The following ANKRD12 variants were observed in gnomAD, a reference collection of about 807,000 sequenced individuals.
ANKRD12 encodes the protein ankyrin repeat domain-containing protein 12.
A neutral mutation model predicts 183.4 loss-of-function variants in ANKRD12; 85 were observed. That is an observed-to-expected ratio of 0.46 (90% CI 0.39 to 0.56). ANKRD12 has a LOEUF of 0.56. Ranked by LOEUF, ANKRD12 falls within the 20% of genes least tolerant of loss-of-function variation. ANKRD12 has a pLI of 0.00. For synonymous variants in ANKRD12, 914 were observed against 800.2 expected, an observed-to-expected ratio of 1.14 and a Z score of -2.40; for missense variants, 2,405 against 2,357.1, an observed-to-expected ratio of 1.02 and a Z score of -0.42.
rs201451415 is a variant in ANKRD12, at chr18:9,226,830, AAAAT to A, written c.943+4835_943+4838del. Among the ~76,000 whole-genome samples, 108 of 152,338 alleles carry A rather than the reference AAAAT, an allele frequency of 7.1e-4. No homozygotes were observed. In the East Asian group the frequency reaches 0.02, roughly 28 times the overall value. ...TCATGAGAAATGCTCTTTTTTAAAA[AAAAT>A]AAAGCCAGTTTTGTGTCATGAAAGA... is the stretch of plus-strand genomic sequence containing the variant. On this transcript the variant is annotated intron_variant, in intron 8 of 12. Coordinates refer to ENST00000262126, the MANE Select transcript of ANKRD12 (RefSeq NM_015208.5).
At chr18:9,260,027 A>G (rs1349886822) in intron 9 of ANKRD12, 1 of 152,210 alleles carries the variant, frequency 6.6e-6, no homozygotes, top group Non-Finnish European at 1.5e-5. Context: ...CTTTGTACAT[A>G]AAATGCTGTG....
intron 4 of ANKRD12, 131 bp downstream of exon 4, chr18:9,204,675 G>T: frequency 1.5e-6 from 1 of 658,184 alleles, no homozygotes; most frequent in Non-Finnish European, 2.4e-6. Flanking sequence ...GAACTACGTG[G>T]GTGACACCAC....
intron 10 of ANKRD12, among the ~76,000 whole-genome samples, chr18:9,270,528 C>T (rs1226615185): frequency 6.6e-6 from 1 of 152,138 alleles, no homozygotes; most frequent in Non-Finnish European, 1.5e-5. Context: ...AAAAACCAAA[C>T]AGTGCATGTT....
intron 8 of ANKRD12, among the ~76,000 whole-genome samples, chr18:9,248,435 C>T (rs2038092001): frequency 6.6e-6 from 1 of 152,140 alleles, no homozygotes; most frequent in Admixed American, 6.5e-5. Context: ...GACTCTGTGT[C>T]TCAATCTAAG....
intron 5 of ANKRD12, among the ~76,000 whole-genome samples, chr18:9,211,271 A>G (rs4798786): frequency 0.68 from 102,733 of 152,008 alleles, 35,366 homozygotes; most frequent in Middle Eastern, 0.81. Flanking sequence ...CCTAGGAAAA[A>G]TGTTTCATAG....
chr18:9,275,754 T>A (rs188627879), intron 11 of ANKRD12, 87 bp downstream of exon 11: 512 of 1,301,472 alleles, frequency 3.9e-4, no homozygotes, highest in African/African-American at 2.4e-3. Flanking sequence ...TAGAAAGAAC[T>A]TGAACTCAAC....
At chr18:9,153,419 T>C (rs2029896490) in intron 1 of ANKRD12, among the ~76,000 whole-genome samples, 1 of 152,218 alleles carries the variant, frequency 6.6e-6, no homozygotes, top group African/African-American at 2.4e-5. Flanking sequence ...CTAGAACATT[T>C]TGAAATCCTT....
At chr18:9,178,842 A>G (rs935476908) in intron 1 of ANKRD12, among the ~76,000 whole-genome samples, 2 of 151,994 alleles carry the variant, frequency 1.3e-5, no homozygotes, top group Non-Finnish European at 2.9e-5. Context: ...GTGTTTTTGT[A>G]TTTGTCATTG....
chr18:9,184,470 G>C (rs549196629), intron 2 of ANKRD12, among the ~76,000 whole-genome samples: 2 of 151,900 alleles, frequency 1.3e-5, no homozygotes, highest in South Asian at 2.1e-4. Context: ...TCAGCTCACT[G>C]CAGCCTTGAC....
chr18:9,175,457 G>A (rs546238398), intron 1 of ANKRD12, among the ~76,000 whole-genome samples: 3 of 143,476 alleles, frequency 2.1e-5, no homozygotes, highest in South Asian at 2.2e-4. Flanking sequence ...GTAGTTTTTC[G>A]TCCACAGAAA....
intron 11 of ANKRD12, among the ~76,000 whole-genome samples, chr18:9,277,451 C>T (rs940045837): frequency 6.6e-6 from 1 of 151,462 alleles, no homozygotes; most frequent in Non-Finnish European, 1.5e-5. Flanking sequence ...CCTCAGCCTC[C>T]CGAGTAGCTG....
At chr18:9,167,827 C>T (rs1297598943) in intron 1 of ANKRD12, among the ~76,000 whole-genome samples, 4 of 152,154 alleles carry the variant, frequency 2.6e-5, no homozygotes, top group South Asian at 4.1e-4. Flanking sequence ...CAGTTTTTGC[C>T]CATTCAGTAT....
chr18:9,202,763 T>A (rs1007861695), intron 3 of ANKRD12, among the ~76,000 whole-genome samples: 1 of 152,164 alleles, frequency 6.6e-6, no homozygotes, highest in Non-Finnish European at 1.5e-5. Flanking sequence ...AGGAAGTAGT[T>A]GAGGAAGGGG....
At position 9,283,085 on chromosome 18, in the gene ANKRD12, T is replaced by C. The variant is rs1331361390; in HGVS notation, c.*1959T>C. The C allele has an allele frequency of 2.0e-5, 3 of 152,594 alleles. No homozygotes were observed. Among genetic ancestry groups the C allele is most frequent in the African/African-American group, 7.2e-5 (3 of 41,468 alleles). 9.5% of individuals were successfully genotyped at this position (152,594 alleles called of 1,614,324 possible). A position where few individuals can be genotyped will look rare whatever the true frequency, so the allele number is the denominator to read the frequency against. ...TAATATGAAAACTTACTGCAAAGTT[T>C]GTTTATACTTTTGCCTAAAAAGGAA... On this transcript the variant is annotated 3_prime_UTR_variant, in exon 13 of 13. Transcript: ENST00000262126.
rs2040170395 is a variant in ANKRD12 at position 9,283,668 on chromosome 18, A to G, written c.*2542A>G. On this transcript the variant is annotated 3_prime_UTR_variant, in exon 13 of 13. Coordinates refer to ENST00000262126, the MANE Select transcript of ANKRD12 (RefSeq NM_015208.5). ...ACAAGATACTAAATTGTACCTAAGG[A>G]TTTGTATTTCTTTACAATTTGTTCT... is the stretch of plus-strand genomic sequence containing the variant. 1 of 152,608 alleles carries G rather than the reference A, an allele frequency of 6.6e-6. No individual in the cohort carries two copies. The highest frequency in any genetic ancestry group is 2.4e-5 in the African/African-American group (1 of 41,452). 9.5% of individuals were successfully genotyped at this position (152,608 alleles called of 1,614,324 possible).
chr18:9,216,680 CA>C, intron 6 of ANKRD12, 77 bp from the exon 7 acceptor site: 1 of 1,399,580 alleles, frequency 7.1e-7, no homozygotes, highest in South Asian at 1.4e-5. Flanking sequence ...TTATATGTCA[CA>C]CATTGGTATG....
chr18:9,202,327 A>G (rs1045123109), intron 3 of ANKRD12, among the ~76,000 whole-genome samples: 1 of 152,190 alleles, frequency 6.6e-6, no homozygotes, highest in Non-Finnish European at 1.5e-5. Flanking sequence ...ACTCAGTCAA[A>G]TTTGAGGAGA....
At chr18:9,208,279 T>C (rs1458098793) in intron 4 of ANKRD12, among the ~76,000 whole-genome samples, 1 of 152,170 alleles carries the variant, frequency 6.6e-6, no homozygotes, top group African/African-American at 2.4e-5. Context: ...TATAGGCTTA[T>C]CAGCAATTAC....
At chr18:9,139,586 A>G (rs1011893691) in intron 1 of ANKRD12, among the ~76,000 whole-genome samples, 7 of 152,224 alleles carry the variant, frequency 4.6e-5, no homozygotes, top group African/African-American at 1.7e-4. Flanking sequence ...ATCATAGTTC[A>G]TAAGAGGTTT....
Sources: gnomAD v4.1 joint callset for allele counts (sites outside exome capture counted in the v4.1 genomes callset) on GRCh38, gnomAD v4.1.1 for gene constraint, MANE v1.5 for transcripts, NCBI Gene and HGNC (gene_info 2026-07-23, HGNC 2026-07-21) for gene names.